RAPGEF2: variants seen among roughly 807,000 people sequenced by gnomAD.
The protein encoded by RAPGEF2 is Rap guanine nucleotide exchange factor 2, also known as PDZ domain containing guanine nucleotide exchange factor (GEF) 1.
Under a neutral mutation model 186.7 loss-of-function variants are expected in RAPGEF2, and 54 were observed. The ratio of observed to expected loss-of-function variants is 0.29; its 90% CI spans 0.23 to 0.36. The LOEUF is 0.36. Among genes scored for constraint, RAPGEF2 ranks in the 10% least tolerant of loss-of-function variants. RAPGEF2 has a pLI of 1.00. For synonymous variants in RAPGEF2, 712 were observed against 705.9 expected, an observed-to-expected ratio of 1.01 and a Z score of -0.14; for missense variants, 1,532 against 2,045.0, an observed-to-expected ratio of 0.75 and a Z score of 4.84.
chr4:159,168,111 T>C (rs986261631), intron 1 of RAPGEF2, among the ~76,000 whole-genome samples: 46 of 152,228 alleles, frequency 3.0e-4, no homozygotes, highest in African/African-American at 1.1e-3. Context: ...GAATTTATGT[T>C]GGGGTTATTG....
At chr4:159,279,197 A>G (rs1178907293) in intron 7 of RAPGEF2, among the ~76,000 whole-genome samples, 5 of 152,234 alleles carry the variant, frequency 3.3e-5, no homozygotes, top group Non-Finnish European at 2.9e-5. Flanking sequence ...TGCTGCCTCC[A>G]CATACTAAAG....
intron 9 of RAPGEF2, among the ~76,000 whole-genome samples, chr4:159,315,705 C>T (rs1294221398): frequency 6.6e-6 from 1 of 152,188 alleles, no homozygotes; most frequent in Non-Finnish European, 1.5e-5. Flanking sequence ...CCTTCCCTGC[C>T]TAGCAGCCGA....
At chr4:159,327,179 A>C (rs1766038998) in intron 11 of RAPGEF2, 1 of 152,238 alleles carries the variant, frequency 6.6e-6, no homozygotes, top group Non-Finnish European at 1.5e-5. Context: ...GTTTTACTTA[A>C]ATACAAATTA....
chr4:159,287,563 A>G (rs767783234), intron 7 of RAPGEF2, among the ~76,000 whole-genome samples: 118 of 152,286 alleles, frequency 7.7e-4, no homozygotes, highest in Admixed American at 2.2e-3. Flanking sequence ...TGAAAGTTAT[A>G]TGCTTCTCTA....
At chr4:159,104,371 C>T (rs929445533) in intron 1 of RAPGEF2, 140 bp downstream of exon 1, 2 of 453,858 alleles carry the variant, frequency 4.4e-6, no homozygotes, top group Non-Finnish European at 8.2e-6. Flanking sequence ...CTTCCAAAGG[C>T]ATCCCACCTC....
chr4:159,198,521 C>T (rs1370571818), intron 3 of RAPGEF2, among the ~76,000 whole-genome samples: 1 of 151,854 alleles, frequency 6.6e-6, no homozygotes, highest in Non-Finnish European at 1.5e-5. Context: ...TCTGAGCTCA[C>T]TGCAACCTCC....
At chr4:159,191,619 G>A (rs1438186575) in intron 2 of RAPGEF2, among the ~76,000 whole-genome samples, 3 of 152,060 alleles carry the variant, frequency 2.0e-5, no homozygotes, top group African/African-American at 4.8e-5. Context: ...CGCAACGATA[G>A]TCCCAGCCAC....
chr4:159,294,295 G>C (rs536241792), intron 7 of RAPGEF2, among the ~76,000 whole-genome samples: 14 of 151,972 alleles, frequency 9.2e-5, no homozygotes, highest in Non-Finnish European at 2.1e-4. Flanking sequence ...ATACTCCATT[G>C]AGCATTTCTT....
In RAPGEF2 at chr4:159,104,185, G is replaced by A. The variant is rs745878138; in HGVS notation, c.23G>A (p.Ser8Asn). 87 of 1,527,426 alleles carry A rather than the reference G, an allele frequency of 5.7e-5. 1 individual carries two copies. The South Asian group carries it at 1.0e-3, about 18-fold the overall frequency. The allele number at this position is 1,527,426 out of a possible 1,614,324, so 94.6% of individuals were successfully genotyped here. ...GAGATGGCGTCCTACGTAGATAACA[G>A]CTTCCGCCAGGCGGTGATGAAGAAT... MASYVDN[S>N]FRQAVMKNPP... The change falls in exon 1 of 30, where the codon AGC (serine) becomes AAC (asparagine). Residue 8 changes from serine to asparagine, a missense_variant. By Grantham distance (46) the Ser-to-Asn change is conservative. Transcript: ENST00000691494.
At chr4:159,206,521 C>T (rs1053793430) in intron 3 of RAPGEF2, among the ~76,000 whole-genome samples, 2 of 152,274 alleles carry the variant, frequency 1.3e-5, no homozygotes, top group Non-Finnish European at 2.9e-5. Context: ...GTACTATTTT[C>T]ATAATTTCAG....
intron 4 of RAPGEF2, among the ~76,000 whole-genome samples, chr4:159,232,071 TA>T: frequency 6.6e-6 from 1 of 152,322 alleles, no homozygotes; most frequent in East Asian, 1.9e-4. Context: ...TAAACCCAGA[TA>T]TCCTGTCTAT....
rs570271978 is a variant in RAPGEF2, at chr4:159,146,777, T to G, written c.70-39865T>G. On this transcript the variant is annotated intron_variant, in intron 1 of 29. Coordinates refer to ENST00000691494, the MANE Select transcript of RAPGEF2 (RefSeq NM_001394067.2). ...CTTAGGTTTCTTCCCTCCCAGCTTT[T>G]CTTTGGTATCTAGTCATTTCTCCCC... Among the ~76,000 whole-genome samples the G allele has an allele frequency of 1.2e-4, 18 of 152,314 alleles. No individual in the cohort carries two copies. The South Asian group carries it at 3.5e-3, about 30-fold the overall frequency.
At chr4:159,315,512 TAAAAG>T (rs1235164742) in intron 9 of RAPGEF2, among the ~76,000 whole-genome samples, 1 of 152,006 alleles carries the variant, frequency 6.6e-6, no homozygotes, top group Non-Finnish European at 1.5e-5. Context: ...GACAAAGAGA[TAAAAG>T]AAAAGGCATT....
chr4:159,331,959 A>G lies in RAPGEF2; in HGVS notation c.1813A>G (p.Ile605Val). 1 of 1,609,290 alleles carries G rather than the reference A, an allele frequency of 6.2e-7. No homozygotes were observed. The highest frequency in any genetic ancestry group is 8.5e-7 in the Non-Finnish European group (1 of 1,178,742). The part of the protein sequence containing the change: ...LEVNGQNFEN[I>V]QLSKAMEILR... ...AGTAAATGGCCAAAACTTTGAAAAC[A>G]TTCAGCTGTCAAAAGCTATGGAAAT... The change falls in exon 16 of 30, where the codon ATT becomes GTT. Residue 605 changes from isoleucine to valine, a missense_variant. Physicochemically the swap from Ile to Val is conservative, Grantham distance 29. This residue lies in a region of RAPGEF2 where 810 missense variants were observed against 1,210.5 expected (regional missense o/e 0.67). Transcript: ENST00000691494.
intron 7 of RAPGEF2, among the ~76,000 whole-genome samples, chr4:159,299,983 A>C (rs1387991647): frequency 6.6e-6 from 1 of 151,926 alleles, no homozygotes; most frequent in Non-Finnish European, 1.5e-5. Flanking sequence ...TGTGCCAGGC[A>C]CTTCTCTAAG....
At chr4:159,271,709 CAG>C (rs1235050043) in intron 7 of RAPGEF2, among the ~76,000 whole-genome samples, 1 of 152,124 alleles carries the variant, frequency 6.6e-6, no homozygotes, top group Non-Finnish European at 1.5e-5. Flanking sequence ...GCATAATTAT[CAG>C]AGTTAGTATT....
intron 20 of RAPGEF2, among the ~76,000 whole-genome samples, chr4:159,342,370 G>A (rs1161890284): frequency 6.6e-6 from 1 of 151,538 alleles, no homozygotes; most frequent in Non-Finnish European, 1.5e-5. Flanking sequence ...GCAGATGGCC[G>A]GGAAATGTTA....
chr4:159,288,206 A>G (rs962964045), intron 7 of RAPGEF2, among the ~76,000 whole-genome samples: 21 of 152,190 alleles, frequency 1.4e-4, no homozygotes, highest in African/African-American at 5.1e-4. Flanking sequence ...CAAAGTAAGT[A>G]TCCATATTTC....
At chr4:159,290,134 A>G (rs1761007819) in intron 7 of RAPGEF2, among the ~76,000 whole-genome samples, 1 of 152,180 alleles carries the variant, frequency 6.6e-6, no homozygotes, top group African/African-American at 2.4e-5. Flanking sequence ...GCAAGATAGG[A>G]CAGTGGTAGT....
Sources: allele counts gnomAD v4.1 joint callset (sites outside exome capture counted in the v4.1 genomes callset), GRCh38; gene constraint gnomAD v4.1.1; regional missense constraint gnomAD v4.1.1; transcripts MANE v1.5; gene names NCBI Gene and HGNC (gene_info 2026-07-23, HGNC 2026-07-21).